Variants in COPZ1 observed in about 807,000 individuals in gnomAD.
COPZ1 encodes coat protein complex I subunit zeta 1.
In COPZ1, 4 loss-of-function variants were observed where a neutral mutation model predicts 31.7. The ratio of observed to expected loss-of-function variants is 0.13; its 90% CI spans 0.06 to 0.29. The LOEUF (loss-of-function observed/expected upper bound fraction) is 0.29, where lower values mean the gene tolerates loss of function less well. COPZ1 is among the 10% of genes least tolerant of loss of function. COPZ1 has a pLI of 1.00. For missense variants in COPZ1, 156 were observed against 211.5 expected (o/e 0.74, Z 1.63); for synonymous variants, 74 against 79.0 (o/e 0.94, Z 0.33).
chr12:54,339,246 A>C (rs1953926878), intron 1 of COPZ1, among the ~76,000 whole-genome samples: 1 of 144,634 alleles, frequency 6.9e-6, no homozygotes, highest in Non-Finnish European at 1.5e-5. Flanking sequence ...ATACAGTGAC[A>C]CCTTTTCTCT....
chr12:54,334,141 C>G (rs1953810941), intron 1 of COPZ1, among the ~76,000 whole-genome samples: 1 of 151,856 alleles, frequency 6.6e-6, no homozygotes, highest in South Asian at 2.1e-4. Flanking sequence ...TGCCTGTAAT[C>G]CTAGCACTTT....
intron 1 of COPZ1, among the ~76,000 whole-genome samples, chr12:54,334,968 G>C (rs1300926904): frequency 6.6e-6 from 1 of 151,982 alleles, no homozygotes; most frequent in Non-Finnish European, 1.5e-5. Context: ...GAGTTCAGGA[G>C]TTCAGGACCA....
chr12:54,342,102 G>T (rs1361872619), intron 2 of COPZ1, 104 bp from the exon 3 acceptor site: 4 of 783,820 alleles, frequency 5.1e-6, no homozygotes, highest in African/African-American at 1.7e-5. Flanking sequence ...CTTGCCCCAT[G>T]CCTTGAAGGA....
intron 3 of COPZ1, 55 bp downstream of exon 3, chr12:54,342,342 G>A: frequency 2.3e-6 from 3 of 1,318,134 alleles, no homozygotes; most frequent in Non-Finnish European, 3.3e-6. Flanking sequence ...TGGTGGAAAG[G>A]GGGTGGTAAC....
chr12:54,336,852 T>A (rs1013769948), intron 1 of COPZ1, among the ~76,000 whole-genome samples: 1 of 151,518 alleles, frequency 6.6e-6, no homozygotes, highest in African/African-American at 2.4e-5. Flanking sequence ...TGAAACCCCG[T>A]CTCTACTAAA....
chr12:54,331,727 T>G (rs906544126), intron 1 of COPZ1, among the ~76,000 whole-genome samples: 7 of 151,626 alleles, frequency 4.6e-5, no homozygotes, highest in Non-Finnish European at 7.4e-5. Context: ...CAGGGAGATG[T>G]GGGGGGGAGT....
At chr12:54,349,757 C>T (rs1474824621) in intron 8 of COPZ1, 99 bp downstream of exon 8, 6 of 991,754 alleles carry the variant, frequency 6.0e-6, no homozygotes, top group Non-Finnish European at 9.8e-6. Flanking sequence ...AAACTAGAGA[C>T]TCAAGACACA....
At chr12:54,350,380 G>T in intron 8 of COPZ1, 96 bp from the exon 9 acceptor site, 1 of 942,764 alleles carries the variant, frequency 1.1e-6, no homozygotes, top group Non-Finnish European at 1.7e-6. Context: ...TTCTTCTAAG[G>T]ACAGGGAAGA....
chr12:54,344,270 G>A (rs1022089715), intron 4 of COPZ1, among the ~76,000 whole-genome samples: 19 of 152,066 alleles, frequency 1.2e-4, no homozygotes, highest in African/African-American at 4.6e-4. Flanking sequence ...GGCCAACATG[G>A]CGAAATCCCA....
chr12:54,340,393 A>G (rs889210312), intron 1 of COPZ1, 154 bp from the exon 2 acceptor site: 32 of 1,262,738 alleles, frequency 2.5e-5, no homozygotes, highest in Non-Finnish European at 3.4e-5. Context: ...GTCTTTCTCA[A>G]TGGGAAATAT....
chr12:54,328,310 G>A (rs373690433), intron 1 of COPZ1, among the ~76,000 whole-genome samples: 150 of 146,964 alleles, frequency 1.0e-3, no homozygotes, highest in African/African-American at 3.6e-3. Flanking sequence ...GGTGGCTCAC[G>A]CCTGTAAATC....
Position 54,340,556 on chromosome 12 carries a change from C to T in COPZ1, c.28C>T (p.Leu10=). MEALILEPS[L]YTVKAILILD... ...GTTCGTATCTCTTCAGGAACCTTCC[C>T]TGTATACTGTCAAAGCCATCCTGAT... The change falls in exon 2 of 9, where the codon CTG becomes TTG. Residue 10 remains leucine, a synonymous_variant. Transcript: ENST00000262061. 6.2e-7 allele frequency: 1 copy of T among 1,614,080 alleles called. No individual in the cohort carries two copies. The highest frequency in any genetic ancestry group is 8.5e-7 in the Non-Finnish European group (1 of 1,180,014).
chr12:54,344,119 C>T (rs1193409521), intron 4 of COPZ1, among the ~76,000 whole-genome samples: 9 of 152,352 alleles, frequency 5.9e-5, no homozygotes, highest in African/African-American at 2.2e-4. Flanking sequence ...GATTCCAACC[C>T]ATATCTGTCT....
chr12:54,339,155 G>T (rs1431259380), intron 1 of COPZ1, among the ~76,000 whole-genome samples: 1 of 151,812 alleles, frequency 6.6e-6, no homozygotes, highest in East Asian at 1.9e-4. Flanking sequence ...TGTAGGTCGG[G>T]CGCAGTGGCT....
At chr12:54,339,436 C>G (rs1000853006) in intron 1 of COPZ1, among the ~76,000 whole-genome samples, 1 of 152,164 alleles carries the variant, frequency 6.6e-6, no homozygotes, top group Non-Finnish European at 1.5e-5. Context: ...TGGTCTTAAA[C>G]TCCTGGGCTC....
At chr12:54,325,302 G>C (rs1452261990) in intron 1 of COPZ1, 121 bp downstream of exon 1, 4 of 1,301,904 alleles carry the variant, frequency 3.1e-6, no homozygotes, top group Non-Finnish European at 4.2e-6. Context: ...TGAGCGTTCT[G>C]CTGACCTTTG....
rs1436096109 is a variant in COPZ1 at position 54,348,178 on chromosome 12, A to G, written c.447+127A>G. ...ATACAACCTTCTCTTTTTCTTTCAA[A>G]TACATTCAGCCTTTCTCTTCCCTTC... On this transcript the variant is annotated intron_variant, in intron 7 of 8. Coordinates refer to ENST00000262061, the MANE Select transcript of COPZ1 (RefSeq NM_016057.3). 6.5e-6 allele frequency: 5 copies of G among 772,464 alleles called. No homozygotes were observed. In the Admixed American group the frequency reaches 9.3e-5, roughly 14 times the overall value. 47.9% of individuals were successfully genotyped at this position (772,464 alleles called of 1,614,324 possible).
chr12:54,339,328 T>C (rs1052918949), intron 1 of COPZ1, among the ~76,000 whole-genome samples: 6 of 151,564 alleles, frequency 4.0e-5, no homozygotes, highest in Non-Finnish European at 8.8e-5. Context: ...CACATCACTA[T>C]CTCTCCACAC....
chr12:54,342,549 C>G, intron 3 of COPZ1: 2 of 494,998 alleles, frequency 4.0e-6, no homozygotes, highest in South Asian at 4.4e-5. Flanking sequence ...AATTGCAGCT[C>G]TGCTTATTGT....
Sources: allele counts gnomAD v4.1 joint callset (sites outside exome capture counted in the v4.1 genomes callset), GRCh38; gene constraint gnomAD v4.1.1; transcripts MANE v1.5; gene names NCBI Gene and HGNC (gene_info 2026-07-23, HGNC 2026-07-21).